The following ELAVL4 variants were observed in gnomAD, a reference collection of about 807,000 sequenced individuals.
ELAVL4 encodes the protein ELAV-like protein 4.
ELAVL4 carries 1 observed loss-of-function variant against 35.6 expected under a neutral mutation model. The ratio of observed to expected loss-of-function variants is 0.03; its 90% confidence interval spans 0.01 to 0.13. The LOEUF (loss-of-function observed/expected upper bound fraction) is 0.13, where lower values mean the gene tolerates loss of function less well. Ranked by LOEUF, ELAVL4 falls within the 10% of genes least tolerant of loss-of-function variation. The probability of loss-of-function intolerance (pLI) is 1.00; values close to 1 mark genes in which losing one functional copy is unlikely to be tolerated. For synonymous variants in ELAVL4, 156 were observed against 171.0 expected (o/e 0.91, Z 0.69); for missense variants, 267 against 464.9 (o/e 0.57, Z 3.91).
chr1:50,121,596 T>C (rs2148594447), intron 1 of ELAVL4, among the ~76,000 whole-genome samples: 1 of 152,174 alleles, frequency 6.6e-6, no homozygotes, highest in Non-Finnish European at 1.5e-5. Flanking sequence ...TGTTGGGTCA[T>C]GGTCAGAAAA....
At chr1:50,182,370 G>A (rs542379898) in intron 3 of ELAVL4, among the ~76,000 whole-genome samples, 1 of 152,320 alleles carries the variant, frequency 6.6e-6, no homozygotes, top group Non-Finnish European at 1.5e-5. Flanking sequence ...AGAGTGTTGG[G>A]ACACCTGTTT....
At chr1:50,083,535 G>T (rs894979848) in intron 1 of ELAVL4, among the ~76,000 whole-genome samples, 25 of 152,158 alleles carry the variant, frequency 1.6e-4, no homozygotes, top group African/African-American at 6.0e-4. Flanking sequence ...CTCTCTCACT[G>T]GATGAGCATG....
At chr1:50,109,908 A>G in intron 1 of ELAVL4, 1 of 1,611,990 alleles carries the variant, frequency 6.2e-7, no homozygotes. Flanking sequence ...CTTTTGACAC[A>G]CTGTGTGAGG....
At chr1:50,149,229 C>T (rs1001089528) in intron 2 of ELAVL4, among the ~76,000 whole-genome samples, 1 of 151,922 alleles carries the variant, frequency 6.6e-6, no homozygotes, top group Non-Finnish European at 1.5e-5. Flanking sequence ...GAAACCCCGT[C>T]TCTACTAAAA....
intron 1 of ELAVL4, among the ~76,000 whole-genome samples, chr1:50,079,927 TC>T (rs1448103995): frequency 6.6e-6 from 1 of 152,144 alleles, no homozygotes; most frequent in African/African-American, 2.4e-5. Flanking sequence ...GACACCCTTC[TC>T]CCTCTCTCTT....
At chr1:50,110,389 G>A (rs1418280381) in intron 1 of ELAVL4, among the ~76,000 whole-genome samples, 1 of 152,162 alleles carries the variant, frequency 6.6e-6, no homozygotes, top group East Asian at 1.9e-4. Context: ...AATGAGGGGT[G>A]GAGGAGGTGA....
At chr1:50,106,031 C>CT, upstream of ELAVL4, 1 of 355,152 alleles carries the variant, frequency 2.8e-6, no homozygotes, top group Non-Finnish European at 5.0e-6. Flanking sequence ...TGAAGGATTC[C>CT]TTTTTTTCCG....
intron 1 of ELAVL4, among the ~76,000 whole-genome samples, chr1:50,097,406 G>T (rs115528627): frequency 0.02 from 2,987 of 152,250 alleles, 101 homozygotes; most frequent in African/African-American, 0.069. Flanking sequence ...AATGTTGTTT[G>T]CTAATTAAAA....
At chr1:50,188,876 TGGAA>T (rs1444159654) in intron 3 of ELAVL4, among the ~76,000 whole-genome samples, 9 of 152,170 alleles carry the variant, frequency 5.9e-5, no homozygotes, top group Non-Finnish European at 1.5e-5. Context: ...TCTCTCCACA[TGGAA>T]GGAAACACTG....
intron 2 of ELAVL4, among the ~76,000 whole-genome samples, chr1:50,162,518 A>G (rs1391677289): frequency 6.6e-6 from 1 of 152,214 alleles, no homozygotes; most frequent in Non-Finnish European, 1.5e-5. Context: ...CCCTCTGGAA[A>G]TAACCAAGGA....
chr1:50,123,679 C>T (rs1557735492), intron 1 of ELAVL4, among the ~76,000 whole-genome samples: 1 of 152,060 alleles, frequency 6.6e-6, no homozygotes, highest in Non-Finnish European at 1.5e-5. Context: ...CTCTCCTTTC[C>T]AGCCTCCCAT....
At chr1:50,079,616 A>C (rs1664921689) in intron 1 of ELAVL4, among the ~76,000 whole-genome samples, 1 of 152,184 alleles carries the variant, frequency 6.6e-6, no homozygotes, top group Admixed American at 6.5e-5. Flanking sequence ...GGTTGTCTAA[A>C]CTAAAGTTAT....
At chr1:50,169,776 C>T (rs1678650916) in intron 2 of ELAVL4, among the ~76,000 whole-genome samples, 1 of 152,154 alleles carries the variant, frequency 6.6e-6, no homozygotes, top group Non-Finnish European at 1.5e-5. Flanking sequence ...TCCATGAAGC[C>T]TTCCCTACTC....
At chr1:50,088,123 G>T (rs1665330854) in intron 1 of ELAVL4, among the ~76,000 whole-genome samples, 2 of 152,134 alleles carry the variant, frequency 1.3e-5, no homozygotes, top group African/African-American at 4.8e-5. Flanking sequence ...TGCTTTAATT[G>T]TAAGGAATAG....
At chr1:50,112,206 G>A (rs905104742) in intron 1 of ELAVL4, among the ~76,000 whole-genome samples, 5 of 151,672 alleles carry the variant, frequency 3.3e-5, no homozygotes, top group African/African-American at 9.7e-5. Context: ...TGAAACTTGC[G>A]GCCATATGTT....
chr1:50,112,812 C>T (rs1305896003), intron 1 of ELAVL4, among the ~76,000 whole-genome samples: 1 of 152,062 alleles, frequency 6.6e-6, no homozygotes, highest in Non-Finnish European at 1.5e-5. Flanking sequence ...GGCCTTGCTT[C>T]TGTTTGATGG....
chr1:50,193,738 G>A, intron 3 of ELAVL4, 27 bp from the exon 4 acceptor site: 1 of 1,606,892 alleles, frequency 6.2e-7, no homozygotes. Flanking sequence ...GCCTATAATG[G>A]AATTAGCTCC....
chr1:50,190,217 C>T lies in ELAVL4; in HGVS notation c.355-3548C>T, dbSNP rs969245414. ...CTGAGGCAAGGGGGGTTCTCCAGGG[C>T]GCTGGCTCCAGTGTTGGAAGCCCTG... On this transcript the variant is annotated intron_variant, in intron 3 of 6. Transcript: ENST00000371824. Among the ~76,000 whole-genome samples the T allele has an allele frequency of 5.3e-5, 8 of 152,264 alleles. 1 individual carries two copies. The highest frequency in any genetic ancestry group is 6.8e-3 in the Middle Eastern group (2 of 294).
At chr1:50,109,301 G>A (rs944139753) in intron 1 of ELAVL4, 103 bp downstream of exon 1, 2 of 1,272,224 alleles carry the variant, frequency 1.6e-6, no homozygotes, top group Non-Finnish European at 2.2e-6. Flanking sequence ...TTAGTTCTGT[G>A]CTGCTGTTTG....
Sources: gnomAD v4.1 joint callset for allele counts (sites outside exome capture counted in the v4.1 genomes callset) on GRCh38, gnomAD v4.1.1 for gene constraint, MANE v1.5 for transcripts, NCBI Gene and HGNC (gene_info 2026-07-23, HGNC 2026-07-21) for gene names.